XRCC4: variants seen among roughly 807,000 people sequenced by gnomAD.
The protein encoded by XRCC4 is DNA repair protein XRCC4.
A neutral mutation model predicts 39.1 loss-of-function variants in XRCC4; 28 were observed. The observed-to-expected ratio is 0.72, with a 90% CI of 0.53 to 0.98. The LOEUF (loss-of-function observed/expected upper bound fraction) is 0.98, where lower values mean the gene tolerates loss of function less well. XRCC4 is among the 50% of genes least tolerant of loss of function. The pLI is 0.00. For missense variants in XRCC4, 350 were observed against 376.4 expected (o/e 0.93, Z 0.58); for synonymous variants, 123 against 126.4 (o/e 0.97, Z 0.18).
chr5:83,199,824 A>C (rs1483277297), intron 4 of XRCC4, among the ~76,000 whole-genome samples: 1 of 152,062 alleles, frequency 6.6e-6, no homozygotes, highest in African/African-American at 2.4e-5. Flanking sequence ...CTAGGTTGCT[A>C]ATTAAATTTA....
chr5:83,096,683 A>G (rs1374789405), intron 1 of XRCC4, among the ~76,000 whole-genome samples: 1 of 152,158 alleles, frequency 6.6e-6, no homozygotes, highest in Non-Finnish European at 1.5e-5. Context: ...GTACACATAT[A>G]ATTTTGGAAA....
chr5:83,307,660 A>G (rs1321762045), intron 7 of XRCC4, among the ~76,000 whole-genome samples: 1 of 152,182 alleles, frequency 6.6e-6, no homozygotes, highest in African/African-American at 2.4e-5. Context: ...CCTGACAGAG[A>G]ATGACAAATT....
intron 3 of XRCC4, among the ~76,000 whole-genome samples, chr5:83,122,811 T>TCCTCACC (rs1747073120): frequency 6.6e-6 from 1 of 152,120 alleles, no homozygotes; most frequent in Non-Finnish European, 1.5e-5. Context: ...TAATTAGTAG[T>TCCTCACC]TTGTAATTTT....
intron 3 of XRCC4, among the ~76,000 whole-genome samples, chr5:83,179,204 T>C (rs1388784000): frequency 6.6e-6 from 1 of 152,220 alleles, no homozygotes; most frequent in Non-Finnish European, 1.5e-5. Flanking sequence ...TCTTCTCAAA[T>C]GTCTAACACC....
At chr5:83,345,744 A>G (rs1756900344) in intron 7 of XRCC4, among the ~76,000 whole-genome samples, 1 of 152,216 alleles carries the variant, frequency 6.6e-6, no homozygotes, top group Admixed American at 6.5e-5. Context: ...GGCTGAGAAA[A>G]TGTCTTTACA....
intron 3 of XRCC4, among the ~76,000 whole-genome samples, chr5:83,192,656 A>T (rs1283141099): frequency 6.6e-6 from 1 of 152,178 alleles, no homozygotes; most frequent in African/African-American, 2.4e-5. Flanking sequence ...TTCTTTACAT[A>T]GAGAAATGCA....
Position 83,161,331 on chromosome 5 carries a change from C to T in XRCC4, c.316-34439C>T, listed in dbSNP as rs568105216. 6.4e-4 allele frequency among the ~76,000 whole-genome samples: 98 copies of T among 152,136 alleles called. 1 individual carries two copies. Among genetic ancestry groups the T allele is most frequent in the Middle Eastern group, 3.4e-3 (1 of 294 alleles). On this transcript the variant is annotated intron_variant, in intron 3 of 7. Transcript: ENST00000396027. ...ATTTTTAGTAGAGACAGAGTTTCAC[C>T]TTGTTGGCCAGGCTGTTCGTGAACT...
At chr5:83,241,955 A>AGAGGAG (rs144761951) in intron 6 of XRCC4, among the ~76,000 whole-genome samples, 7 of 148,492 alleles carry the variant, frequency 4.7e-5, no homozygotes, top group Non-Finnish European at 8.9e-5. Flanking sequence ...AGGAGGAGGA[A>AGAGGAG]GAGGAGGAGG....
chr5:83,205,309 T>A (rs1580368700), intron 6 of XRCC4, among the ~76,000 whole-genome samples: 2 of 152,136 alleles, frequency 1.3e-5, no homozygotes, highest in African/African-American at 4.8e-5. Context: ...AGCAGAGTAA[T>A]CAAGAATGCT....
intron 6 of XRCC4, among the ~76,000 whole-genome samples, chr5:83,230,872 T>C (rs1311773785): frequency 6.6e-6 from 1 of 151,994 alleles, no homozygotes; most frequent in African/African-American, 2.4e-5. Context: ...GAACTACTAG[T>C]TCTTTGTAAT....
chr5:83,083,074 C>T (rs1404383886), intron 1 of XRCC4, among the ~76,000 whole-genome samples: 1 of 152,104 alleles, frequency 6.6e-6, no homozygotes, highest in Non-Finnish European at 1.5e-5. Context: ...AAAGCATATC[C>T]CAACCTCCCT....
intron 7 of XRCC4, among the ~76,000 whole-genome samples, chr5:83,305,680 A>G (rs1268929013): frequency 2.0e-5 from 3 of 152,132 alleles, no homozygotes; most frequent in Admixed American, 2.0e-4. Context: ...GATGGCTGAG[A>G]AAGTGTTTAG....
chr5:83,149,901 C>T (rs532631195), intron 3 of XRCC4, among the ~76,000 whole-genome samples: 1 of 152,118 alleles, frequency 6.6e-6, no homozygotes, highest in South Asian at 2.1e-4. Context: ...AAACTACTAC[C>T]ACCTAAACAA....
chr5:83,254,670 G>A (rs1442265308), intron 6 of XRCC4, among the ~76,000 whole-genome samples: 2 of 152,112 alleles, frequency 1.3e-5, no homozygotes, highest in African/African-American at 2.4e-5. Flanking sequence ...TTTGGAGACC[G>A]ACAGTCATTG....
chr5:83,309,160 C>T (rs993502051), intron 7 of XRCC4, among the ~76,000 whole-genome samples: 1 of 148,154 alleles, frequency 6.7e-6, no homozygotes, highest in Non-Finnish European at 1.5e-5. Context: ...GTGCCTCTAG[C>T]CCCAGCTACT....
chr5:83,342,021 C>G (rs1041244364), intron 7 of XRCC4, among the ~76,000 whole-genome samples: 1 of 152,174 alleles, frequency 6.6e-6, no homozygotes, highest in Non-Finnish European at 1.5e-5. Flanking sequence ...AAAGGAATAA[C>G]TTTCCACCAA....
chr5:83,327,354 A>G (rs1041736211), intron 7 of XRCC4, among the ~76,000 whole-genome samples: 4 of 152,062 alleles, frequency 2.6e-5, no homozygotes, highest in African/African-American at 7.2e-5. Flanking sequence ...TTTTCCATGT[A>G]GAAATATATC....
chr5:83,272,388 C>T (rs1754172513), intron 7 of XRCC4, among the ~76,000 whole-genome samples: 1 of 152,000 alleles, frequency 6.6e-6, no homozygotes, highest in Non-Finnish European at 1.5e-5. Flanking sequence ...GGGGTGTTCC[C>T]TTGTTGTTAC....
chr5:83,322,490 C>T (rs1016835703), intron 7 of XRCC4, among the ~76,000 whole-genome samples: 7 of 152,114 alleles, frequency 4.6e-5, no homozygotes, highest in African/African-American at 1.7e-4. Flanking sequence ...TAACCACTCC[C>T]TCCATCTCCC....
Sources: gnomAD v4.1 joint callset for allele counts (sites outside exome capture counted in the v4.1 genomes callset) on GRCh38, gnomAD v4.1.1 for gene constraint, MANE v1.5 for transcripts, NCBI Gene and HGNC (gene_info 2026-07-23, HGNC 2026-07-21) for gene names.